ZFP90: variants seen among roughly 807,000 people sequenced by gnomAD.
The protein encoded by ZFP90 is ZFP90 zinc finger protein, also known as zinc finger protein 90 homolog.
A neutral mutation model predicts 60.8 loss-of-function variants in ZFP90; 38 were observed. That is an observed-to-expected ratio of 0.62 (90% CI 0.48 to 0.82). The LOEUF is 0.82. Ranked by LOEUF, ZFP90 falls within the 40% of genes least tolerant of loss-of-function variation. The pLI is 0.00. For synonymous variants in ZFP90, 287 were observed against 264.8 expected (o/e 1.08, Z -0.82); for missense variants, 711 against 759.1 (o/e 0.94, Z 0.74).
At position 68,564,624 on chromosome 16, in the gene ZFP90, G is replaced by A; in HGVS notation, c.1837G>A (p.Glu613Lys). 1 of 1,614,000 alleles carries A rather than the reference G, an allele frequency of 6.2e-7. No homozygotes were observed. The highest frequency in any genetic ancestry group is 8.5e-7 in the Non-Finnish European group (1 of 1,179,964). The change falls in exon 5 of 5, where the codon GAA (glutamate) becomes AAA (lysine). Residue 613 changes from glutamate to lysine, a missense_variant. Glu to Lys is a moderately conservative substitution (Grantham distance 56). Around this residue, in one of 5 missense-constraint regions of ZFP90, gnomAD observed 295 missense variants for 274.0 expected, o/e 1.08. Transcript: ENST00000563169. The stretch of plus-strand genomic sequence containing the variant: ...TGGAGAAAAACCCTATTCTTGTAAG[G>A]AATGTGGGAAAAACTTCAGCCGAAG... ...HTGEKPYSCK[E>K]CGKNFSRSSA...
At chr16:68,555,596 C>T (rs1029928515) in intron 2 of ZFP90, among the ~76,000 whole-genome samples, 4 of 152,164 alleles carry the variant, frequency 2.6e-5, no homozygotes, top group African/African-American at 9.7e-5. Flanking sequence ...TCAAAAACAA[C>T]CAAAAGTATT....
chr16:68,534,483 C>G (rs1419445937), upstream of ZFP90, among the ~76,000 whole-genome samples: 1 of 151,170 alleles, frequency 6.6e-6, no homozygotes, highest in African/African-American at 2.4e-5. Context: ...CTGCCTCGGC[C>G]TCTCAAAGTG....
At chr16:68,560,887 C>CTT (rs71148914) in intron 4 of ZFP90, among the ~76,000 whole-genome samples, 80 of 145,130 alleles carry the variant, frequency 5.5e-4, no homozygotes, top group African/African-American at 1.6e-3. Context: ...GCTTTATCTT[C>CTT]TTTTTTTTTT....
At chr16:68,567,378 C>T (rs1191197298), downstream of ZFP90, among the ~76,000 whole-genome samples, 1 of 152,176 alleles carries the variant, frequency 6.6e-6, no homozygotes, top group Non-Finnish European at 1.5e-5. Flanking sequence ...CCCTTTTCCT[C>T]TTGCAACAAT....
Position 68,563,420 on chromosome 16 carries a change from T to C in ZFP90, c.633T>C (p.Tyr211=), listed in dbSNP as rs1227710606. The C allele has an allele frequency of 7.4e-6, 12 of 1,613,178 alleles. No individual in the cohort carries two copies. In the South Asian group the frequency reaches 1.1e-4, roughly 15 times the overall value. The change falls in exon 5 of 5, where the codon TAT becomes TAC. Residue 211 remains tyrosine (Y), a synonymous_variant. Coordinates refer to ENST00000563169, the MANE Select transcript of ZFP90 (RefSeq NM_001305203.2). ...ATATTCTTGCAAAAAAGAAACCCTATAAGTGTGATAAATGTAGAAAAGCCT... is the reference window on the plus strand; with the variant it reads ...ATATTCTTGCAAAAAAGAAACCCTACAAGTGTGATAAATGTAGAAAAGCCT... ...ENNILAKKKP[Y]KCDKCRKAFI...
chr16:68,558,641 C>G, intron 4 of ZFP90, 73 bp downstream of exon 4: 2 of 1,381,254 alleles, frequency 1.4e-6, no homozygotes, highest in Non-Finnish European at 1.0e-6. Flanking sequence ...GAGATACCCT[C>G]CAGCAGCTGG....
Position 68,564,874 on chromosome 16 carries a change from G to T in ZFP90, c.*176G>T, listed in dbSNP as rs2091501300. 2.2e-6 allele frequency: 3 copies of T among 1,389,026 alleles called. No homozygotes were observed. The South Asian group carries it at 5.3e-5, about 24-fold the overall frequency. The allele number at this position is 1,389,026 out of a possible 1,614,324, so 86.0% of individuals were successfully genotyped here. On this transcript the variant is annotated 3_prime_UTR_variant, in exon 5 of 5. Coordinates refer to ENST00000563169, the MANE Select transcript of ZFP90 (RefSeq NM_001305203.2). ...TTTTTAACATAAAGACACATTCTCA[G>T]ATCTGATTACAGACTAGTGTAAAAA...
chr16:68,569,491 A>G (rs933919252), downstream of ZFP90, among the ~76,000 whole-genome samples: 3 of 152,012 alleles, frequency 2.0e-5, no homozygotes, highest in African/African-American at 7.3e-5. Flanking sequence ...CTATCCAGTC[A>G]TTGTCCCACT....
At chr16:68,539,601 T>C (rs2090998861) in intron 1 of ZFP90, 122 bp downstream of exon 1, 2 of 597,860 alleles carry the variant, frequency 3.3e-6, no homozygotes, top group Non-Finnish European at 5.6e-6. Context: ...GCTGAGCCTT[T>C]CATTTCGGGG....
chr16:68,562,819 G>T, intron 4 of ZFP90: 1 of 955,196 alleles, frequency 1.0e-6, no homozygotes, highest in Non-Finnish European at 1.5e-6. Flanking sequence ...AACCCTCCTA[G>T]ATGGGCTTTC....
At chr16:68,544,804 G>GCA (rs1012722232) in intron 2 of ZFP90, among the ~76,000 whole-genome samples, 1 of 149,490 alleles carries the variant, frequency 6.7e-6, no homozygotes. Context: ...AGCTGAGATT[G>GCA]CACCTTCCCG....
chr16:68,560,167 A>G (rs1011350624), intron 4 of ZFP90, among the ~76,000 whole-genome samples: 1 of 152,138 alleles, frequency 6.6e-6, no homozygotes, highest in Non-Finnish European at 1.5e-5. Flanking sequence ...CCTTTAGAGC[A>G]TAGAGGTCAG....
At chr16:68,540,252 C>T (rs1261385254) in intron 2 of ZFP90, among the ~76,000 whole-genome samples, 2 of 152,044 alleles carry the variant, frequency 1.3e-5, no homozygotes, top group South Asian at 4.1e-4. Flanking sequence ...CGTAAGGGGC[C>T]GTAGAAGCCT....
intron 2 of ZFP90, among the ~76,000 whole-genome samples, chr16:68,543,579 T>G (rs79522254): frequency 7.8e-6 from 1 of 127,892 alleles, no homozygotes; most frequent in Non-Finnish European, 1.7e-5. Flanking sequence ...TTTTTTTTTT[T>G]GAGACAGAGT....
intron 2 of ZFP90, among the ~76,000 whole-genome samples, chr16:68,548,802 C>CT (rs2091202593): frequency 6.6e-6 from 1 of 152,056 alleles, no homozygotes; most frequent in Admixed American, 6.5e-5. Context: ...ATCCTCCTAT[C>CT]TTTAAGTTCA....
At chr16:68,567,661 C>G (rs796385403), downstream of ZFP90, among the ~76,000 whole-genome samples, 9 of 152,278 alleles carry the variant, frequency 5.9e-5, no homozygotes, top group African/African-American at 2.2e-4. Context: ...TTCCTGATGT[C>G]CTTAGACCTG....
downstream of ZFP90, among the ~76,000 whole-genome samples, chr16:68,570,069 T>TGC (rs2091559843): frequency 6.9e-6 from 1 of 145,948 alleles, no homozygotes; most frequent in African/African-American, 2.5e-5. Context: ...TGTGTGTGTG[T>TGC]GCTATATCCC....
chr16:68,570,922 A>G (rs568750863), downstream of ZFP90, among the ~76,000 whole-genome samples: 3 of 152,296 alleles, frequency 2.0e-5, no homozygotes, highest in South Asian at 4.1e-4. Context: ...TGAAAGGGCC[A>G]TGTATGCAAA....
At chr16:68,557,469 A>G (rs959963960) in intron 2 of ZFP90, among the ~76,000 whole-genome samples, 2 of 152,132 alleles carry the variant, frequency 1.3e-5, no homozygotes, top group African/African-American at 2.4e-5. Context: ...ATCAAAAAGT[A>G]AGTTGTAGAA....
Sources: allele counts gnomAD v4.1 joint callset (sites outside exome capture counted in the v4.1 genomes callset), GRCh38; gene constraint gnomAD v4.1.1; regional missense constraint gnomAD v4.1.1; transcripts MANE v1.5; gene names NCBI Gene and HGNC (gene_info 2026-07-23, HGNC 2026-07-21).